Variants in SLC24A2 observed in about 807,000 individuals in gnomAD.
SLC24A2 encodes solute carrier family 24 member 2, also known as sodium/potassium/calcium exchanger 2.
SLC24A2 carries 36 observed loss-of-function variants against 62.0 expected under a neutral mutation model. That is an observed-to-expected ratio of 0.58 (90% CI 0.44 to 0.77). SLC24A2 has a LOEUF of 0.77. SLC24A2 is among the 30% of genes least tolerant of loss of function. The pLI, the probability that SLC24A2 is intolerant of heterozygous loss-of-function variation, is 0.00. For missense variants in SLC24A2, 846 were observed against 817.9 expected (o/e 1.03, Z -0.42); for synonymous variants, 358 against 294.0 (o/e 1.22, Z -2.23).
At chr9:19,618,895 A>G (rs1426922464) in intron 4 of SLC24A2, among the ~76,000 whole-genome samples, 1 of 152,206 alleles carries the variant, frequency 6.6e-6, no homozygotes, top group Non-Finnish European at 1.5e-5. Flanking sequence ...ATTTTGGGGA[A>G]TATTTATGCA....
chr9:20,031,016 C>A, the SLC24A2 span, among the ~76,000 whole-genome samples: 1 of 151,946 alleles, frequency 6.6e-6, no homozygotes, highest in East Asian at 1.9e-4. Flanking sequence ...ATTCCTTGGC[C>A]CGTCCAAAGA....
the SLC24A2 span, among the ~76,000 whole-genome samples, chr9:19,970,855 G>A: frequency 6.6e-6 from 1 of 152,134 alleles, no homozygotes; most frequent in Non-Finnish European, 1.5e-5. Flanking sequence ...AGACAGTCCT[G>A]ACTTGGAAGT....
chr9:19,902,878 C>A, the SLC24A2 span, among the ~76,000 whole-genome samples: 1 of 152,086 alleles, frequency 6.6e-6, no homozygotes, highest in Non-Finnish European at 1.5e-5. Flanking sequence ...ACATAGTAAA[C>A]CAATGTAGTT....
the SLC24A2 span, among the ~76,000 whole-genome samples, chr9:20,062,167 AG>A: frequency 6.6e-6 from 1 of 152,154 alleles, no homozygotes; most frequent in Non-Finnish European, 1.5e-5. Context: ...AGTCCAAGGT[AG>A]CAGTGAGCTA....
the SLC24A2 span, among the ~76,000 whole-genome samples, chr9:19,903,273 A>C: frequency 6.6e-6 from 1 of 152,186 alleles, no homozygotes; most frequent in East Asian, 1.9e-4. Context: ...CCCTCCTCCT[A>C]GTTCACAGAC....
chr9:19,614,768 C>G (rs920739789), intron 4 of SLC24A2, among the ~76,000 whole-genome samples: 3 of 151,912 alleles, frequency 2.0e-5, no homozygotes, highest in African/African-American at 7.3e-5. Flanking sequence ...GTCCTGAGAC[C>G]ACAGGGGGAA....
chr9:20,090,025 C>T, the SLC24A2 span, among the ~76,000 whole-genome samples: 3 of 152,234 alleles, frequency 2.0e-5, no homozygotes, highest in Admixed American at 2.0e-4. Context: ...GTTGGTGCTA[C>T]CCAGCTATCT....
At chr9:20,101,285 C>T in the SLC24A2 span, among the ~76,000 whole-genome samples, 1 of 152,214 alleles carries the variant, frequency 6.6e-6, no homozygotes, top group African/African-American at 2.4e-5. Flanking sequence ...GCCCCTGCAT[C>T]AACATTTTGC....
intron 2 of SLC24A2, among the ~76,000 whole-genome samples, chr9:19,701,248 G>A (rs988912983): frequency 2.6e-5 from 4 of 152,204 alleles, no homozygotes; most frequent in Non-Finnish European, 5.9e-5. Flanking sequence ...AAAGGAAGAG[G>A]CAGATAAAAG....
the SLC24A2 span, among the ~76,000 whole-genome samples, chr9:20,080,629 G>T: frequency 2.6e-5 from 4 of 152,264 alleles, no homozygotes; most frequent in East Asian, 7.7e-4. Flanking sequence ...TGACAAATGG[G>T]ATCTCATTAA....
At chr9:20,238,550 A>G in the SLC24A2 span, among the ~76,000 whole-genome samples, 4 of 152,196 alleles carry the variant, frequency 2.6e-5, no homozygotes, top group African/African-American at 9.6e-5. Flanking sequence ...ACAGCAATCA[A>G]TGCTTTAAAT....
chr9:19,963,524 A>G, the SLC24A2 span, among the ~76,000 whole-genome samples: 2 of 151,922 alleles, frequency 1.3e-5, no homozygotes, highest in Admixed American at 6.6e-5. Flanking sequence ...ATTTACAAGA[A>G]AAAAACAAAC....
intron 4 of SLC24A2, among the ~76,000 whole-genome samples, chr9:19,614,753 G>A (rs1032398703): frequency 2.6e-5 from 4 of 151,918 alleles, no homozygotes; most frequent in Admixed American, 1.3e-4. Flanking sequence ...TATCCACATG[G>A]AAAGGTCCTG....
chr9:20,244,927 A>G, the SLC24A2 span, among the ~76,000 whole-genome samples: 14 of 152,216 alleles, frequency 9.2e-5, no homozygotes, highest in African/African-American at 3.4e-4. Context: ...CATTTTAAAC[A>G]TTTTGCAAAT....
chr9:20,261,535 T>C, the SLC24A2 span, among the ~76,000 whole-genome samples: 1 of 152,128 alleles, frequency 6.6e-6, no homozygotes, highest in East Asian at 1.9e-4. Flanking sequence ...GCCGCCCTCA[T>C]GACCCAATCA....
chr9:19,739,576 C>A (rs1055667282), intron 2 of SLC24A2, among the ~76,000 whole-genome samples: 1 of 152,146 alleles, frequency 6.6e-6, no homozygotes. Flanking sequence ...AAATAATAAT[C>A]TTTTCAATAA....
the SLC24A2 span, among the ~76,000 whole-genome samples, chr9:19,968,656 A>G: frequency 6.6e-6 from 1 of 152,220 alleles, no homozygotes; most frequent in African/African-American, 2.4e-5. Flanking sequence ...TAGAGAAGTT[A>G]AGGACTTCAC....
chr9:20,232,693 G>C, the SLC24A2 span, among the ~76,000 whole-genome samples: 1 of 152,124 alleles, frequency 6.6e-6, no homozygotes, highest in African/African-American at 2.4e-5. Flanking sequence ...CCAGCTCCTG[G>C]ATTCGTTAAT....
intron 7 of SLC24A2, among the ~76,000 whole-genome samples, chr9:19,561,537 G>T (rs1312828664): frequency 1.3e-5 from 2 of 149,704 alleles, no homozygotes; most frequent in African/African-American, 2.5e-5. Flanking sequence ...TGGGTTCAAG[G>T]GATTTTCCTG....
Sources: allele counts gnomAD v4.1 joint callset (sites outside exome capture counted in the v4.1 genomes callset), GRCh38; gene constraint gnomAD v4.1.1; transcripts MANE v1.5; gene names NCBI Gene and HGNC (gene_info 2026-07-23, HGNC 2026-07-21).